ESR1: variants seen among roughly 807,000 people sequenced by gnomAD.
ESR1 encodes the protein estrogen receptor 1.
In ESR1, 12 loss-of-function variants were observed where a neutral mutation model predicts 52.7. That is an observed-to-expected ratio of 0.23 (90% CI 0.15 to 0.37). The LOEUF (loss-of-function observed/expected upper bound fraction) is 0.37, where lower values mean the gene tolerates loss of function less well. Among genes scored for constraint, ESR1 ranks in the 10% least tolerant of loss-of-function variants. The pLI, the probability that ESR1 is intolerant of heterozygous loss-of-function variation, is 1.00. For missense variants in ESR1, 584 were observed against 779.7 expected, an observed-to-expected ratio of 0.75 and a Z score of 2.99; for synonymous variants, 305 against 316.8, an observed-to-expected ratio of 0.96 and a Z score of 0.39.
chr6:151,667,701 G>T (rs1777879580), intron 1 of ESR1, among the ~76,000 whole-genome samples: 2 of 152,176 alleles, frequency 1.3e-5, no homozygotes, highest in Admixed American at 6.5e-5. Flanking sequence ...GTCCTTGTTT[G>T]CAGGGAGAGG....
intron 1 of ESR1, among the ~76,000 whole-genome samples, chr6:151,685,422 C>T (rs905154876): frequency 1.3e-5 from 2 of 151,958 alleles, no homozygotes; most frequent in African/African-American, 2.4e-5. Context: ...CGTGAGCCAC[C>T]GCGCCCGGCC....
intron 2 of ESR1, among the ~76,000 whole-genome samples, chr6:151,745,998 A>G (rs1389624032): frequency 6.6e-6 from 1 of 152,164 alleles, no homozygotes. Flanking sequence ...TATTTAGCAC[A>G]AGGTCCTCAA....
chr6:152,125,996 A>G (rs917145030), exon 7 of ESR1: 3 of 152,416 alleles, frequency 2.0e-5, no homozygotes, highest in Admixed American at 2.0e-4. Flanking sequence ...ATTTTTGATA[A>G]AAATGTCACC....
At chr6:151,921,455 T>A (rs1317619350) in intron 3 of ESR1, among the ~76,000 whole-genome samples, 1 of 152,196 alleles carries the variant, frequency 6.6e-6, no homozygotes, top group Non-Finnish European at 1.5e-5. Flanking sequence ...TACCCAGTAA[T>A]GGGATTGCCA....
At chr6:151,907,750 A>G (rs529095018) in intron 3 of ESR1, among the ~76,000 whole-genome samples, 2 of 152,174 alleles carry the variant, frequency 1.3e-5, no homozygotes, top group South Asian at 4.1e-4. Context: ...TAATTATCTC[A>G]CTGGGCCAAA....
intron 4 of ESR1, among the ~76,000 whole-genome samples, chr6:151,970,386 A>C (rs373590781): frequency 4.6e-5 from 7 of 152,136 alleles, no homozygotes; most frequent in African/African-American, 1.7e-4. Context: ...CCACAAGCAT[A>C]TACAAATTTT....
intron 4 of ESR1, among the ~76,000 whole-genome samples, chr6:151,972,555 A>G (rs1308125087): frequency 6.6e-6 from 1 of 152,198 alleles, no homozygotes; most frequent in African/African-American, 2.4e-5. Context: ...CAAAAATCAC[A>G]TGAGCATCTC....
intron 6 of ESR1, among the ~76,000 whole-genome samples, chr6:152,091,634 A>T (rs77157362): frequency 1.3e-5 from 2 of 152,144 alleles, no homozygotes; most frequent in Non-Finnish European, 2.9e-5. Context: ...CCAAGAAAAA[A>T]GTCACTCCCC....
intron 4 of ESR1, among the ~76,000 whole-genome samples, chr6:151,963,391 G>A (rs138115985): frequency 6.6e-6 from 1 of 152,156 alleles, no homozygotes; most frequent in Non-Finnish European, 1.5e-5. Context: ...AGACTTAGTA[G>A]CTGCTTGTTT....
At chr6:151,731,841 C>A (rs1782268678) in intron 2 of ESR1, among the ~76,000 whole-genome samples, 1 of 152,148 alleles carries the variant, frequency 6.6e-6, no homozygotes, top group East Asian at 1.9e-4. Flanking sequence ...ACAGTTATGT[C>A]TTGATAGACT....
intron 1 of ESR1, among the ~76,000 whole-genome samples, chr6:151,691,481 C>A (rs1223745234): frequency 1.3e-5 from 2 of 152,128 alleles, no homozygotes; most frequent in African/African-American, 2.4e-5. Context: ...CAAACAAGTC[C>A]GTAGGAGCCA....
chr6:151,717,313 C>A (rs1171404822), intron 2 of ESR1, among the ~76,000 whole-genome samples: 1 of 152,130 alleles, frequency 6.6e-6, no homozygotes, highest in African/African-American at 2.4e-5. Flanking sequence ...GCCATCTTGC[C>A]CCTTGGTCTG....
intron 2 of ESR1, among the ~76,000 whole-genome samples, chr6:151,771,587 A>G (rs1317431420): frequency 6.6e-6 from 1 of 152,246 alleles, no homozygotes; most frequent in African/African-American, 2.4e-5. Flanking sequence ...AGTCCTTAAT[A>G]TATCATGGAG....
chr6:151,913,733 G>T (rs1379302092), intron 3 of ESR1, among the ~76,000 whole-genome samples: 1 of 151,922 alleles, frequency 6.6e-6, no homozygotes, highest in Non-Finnish European at 1.5e-5. Context: ...TGATACTTCA[G>T]ATTTTGTAAA....
intron 2 of ESR1, among the ~76,000 whole-genome samples, chr6:151,706,904 A>G (rs1160363483): frequency 6.6e-6 from 1 of 152,136 alleles, no homozygotes; most frequent in Non-Finnish European, 1.5e-5. Context: ...AGAGCTGCCT[A>G]CTGGAAGGAT....
chr6:151,753,315 T>C (rs1784034527), intron 2 of ESR1, among the ~76,000 whole-genome samples: 2 of 139,532 alleles, frequency 1.4e-5, no homozygotes, highest in East Asian at 2.0e-4. Context: ...GGTTATTTGA[T>C]TGCATTTTTT....
At chr6:151,850,886 A>G (rs1357882132) in intron 2 of ESR1, among the ~76,000 whole-genome samples, 2 of 152,166 alleles carry the variant, frequency 1.3e-5, no homozygotes, top group Admixed American at 6.5e-5. Context: ...GATGCTTGCA[A>G]TAATTTATTG....
At chr6:151,956,294 CTG>C (rs141122370) in intron 4 of ESR1, among the ~76,000 whole-genome samples, 2,859 of 152,272 alleles carry the variant, frequency 0.019, 83 homozygotes, top group African/African-American at 0.064. Flanking sequence ...TCTTTTAGTT[CTG>C]TGTGTGAAAA....
chr6:151,792,795 CACAA>C (rs1468470168), intron 2 of ESR1, among the ~76,000 whole-genome samples: 1 of 152,176 alleles, frequency 6.6e-6, no homozygotes, highest in East Asian at 1.9e-4. Context: ...TAGTTTGAAA[CACAA>C]ACACATTGTA....
Sources: gnomAD v4.1 joint callset for allele counts (sites outside exome capture counted in the v4.1 genomes callset) on GRCh38, gnomAD v4.1.1 for gene constraint, MANE v1.5 for transcripts, NCBI Gene and HGNC (gene_info 2026-07-23, HGNC 2026-07-21) for gene names.